The following LIPF variants were observed in gnomAD, a reference collection of about 807,000 sequenced individuals.
The protein encoded by LIPF is gastric triacylglycerol lipase.
In LIPF, 25 loss-of-function variants were observed where a neutral mutation model predicts 38.0. The ratio of observed to expected loss-of-function variants is 0.66; its 90% confidence interval spans 0.48 to 0.92. The LOEUF (loss-of-function observed/expected upper bound fraction) is 0.92, where lower values mean the gene tolerates loss of function less well. Ranked by LOEUF, LIPF falls within the 40% of genes least tolerant of loss-of-function variation. LIPF has a pLI of 0.00. For synonymous variants in LIPF, 161 were observed against 156.2 expected, an observed-to-expected ratio of 1.03 and a Z score of -0.23; for missense variants, 410 against 469.9, an observed-to-expected ratio of 0.87 and a Z score of 1.18.
intron 7 of LIPF, among the ~76,000 whole-genome samples, chr10:88,674,845 A>G (rs1306996918): frequency 3.3e-5 from 5 of 152,244 alleles, no homozygotes; most frequent in African/African-American, 9.6e-5. Flanking sequence ...GTATAATTCT[A>G]TGAAGTGTTG....
Position 88,667,411 on chromosome 10 carries a change from C to T in LIPF, c.105+9C>T, listed in dbSNP as rs371707445. ...AAGTGACTATGAACATTGTAAGTTACTCTGGGGAAAAACTCTATAAAACTA... is the reference window on the plus strand; with the variant it reads ...AAGTGACTATGAACATTGTAAGTTATTCTGGGGAAAAACTCTATAAAACTA... On this transcript the variant is annotated intron_variant, in intron 2 of 9. Transcript: ENST00000238983. The T allele has an allele frequency of 2.5e-5, 37 of 1,500,216 alleles. No individual in the cohort carries two copies. Among genetic ancestry groups the T allele is most frequent in the Non-Finnish European group, 3.4e-5 (37 of 1,080,974 alleles). 92.9% of individuals were successfully genotyped at this position (1,500,216 alleles called of 1,614,324 possible).
chr10:88,677,712 A>G (rs1270581808), intron 9 of LIPF, among the ~76,000 whole-genome samples: 1 of 152,214 alleles, frequency 6.6e-6, no homozygotes, highest in Admixed American at 6.5e-5. Context: ...ATCTAAAAAA[A>G]TCTAACAAAA....
chr10:88,667,469 A>T, intron 2 of LIPF, 67 bp downstream of exon 2: 1 of 1,091,084 alleles, frequency 9.2e-7, no homozygotes, highest in Non-Finnish European at 1.4e-6. Context: ...ATAATGAGTT[A>T]AAGATTTTAT....
chr10:88,674,163 TAAGA>T (rs1235952251), intron 7 of LIPF, among the ~76,000 whole-genome samples: 1 of 151,874 alleles, frequency 6.6e-6, no homozygotes, highest in Non-Finnish European at 1.5e-5. Flanking sequence ...ACTATTTATG[TAAGA>T]CTTTGCCCAT....
intron 3 of LIPF, 57 bp from the exon 4 acceptor site, chr10:88,668,501 C>T (rs903808509): frequency 6.7e-7 from 1 of 1,483,146 alleles, no homozygotes; most frequent in Non-Finnish European, 9.4e-7. Flanking sequence ...TCTAGCCTCA[C>T]ATTTATCCTA....
intron 9 of LIPF, 35 bp from the exon 10 acceptor site, chr10:88,678,410 A>C: frequency 6.9e-7 from 1 of 1,457,070 alleles, no homozygotes; most frequent in Non-Finnish European, 9.6e-7. Context: ...AAGTGTGGTT[A>C]CCTAAACTCT....
intron 7 of LIPF, among the ~76,000 whole-genome samples, chr10:88,675,070 A>C (rs969070710): frequency 1.3e-5 from 2 of 152,200 alleles, no homozygotes; most frequent in African/African-American, 4.8e-5. Context: ...GAAGATGGCC[A>C]ATTTGTTTCA....
chr10:88,675,522 T>C (rs1841671233), intron 7 of LIPF, 64 bp from the exon 8 acceptor site: 15 of 1,201,978 alleles, frequency 1.2e-5, no homozygotes, highest in Middle Eastern at 2.5e-4. Flanking sequence ...AAATCTTTAC[T>C]GTTTTTAAGA....
intron 6 of LIPF, among the ~76,000 whole-genome samples, chr10:88,672,625 A>AAC (rs71471111): frequency 0.026 from 3,413 of 130,808 alleles, 63 homozygotes; most frequent in South Asian, 0.039. Context: ...CAGTAAAACC[A>AAC]ACACACACAC....
At chr10:88,665,729 A>T (rs1259870403) in intron 1 of LIPF, among the ~76,000 whole-genome samples, 1 of 145,270 alleles carries the variant, frequency 6.9e-6, no homozygotes, top group Non-Finnish European at 1.5e-5. Flanking sequence ...AGGCTTAGTT[A>T]AAAACTGATT....
intron 3 of LIPF, 115 bp from the exon 4 acceptor site, chr10:88,668,443 A>AAT (rs1417614200): frequency 2.5e-5 from 22 of 877,582 alleles, no homozygotes; most frequent in Non-Finnish European, 3.6e-5. Context: ...AAAAATAATC[A>AAT]ACTCAATCAG....
At chr10:88,665,356 G>T in intron 1 of LIPF, 1 of 535,472 alleles carries the variant, frequency 1.9e-6, no homozygotes, top group Non-Finnish European at 3.4e-6. Context: ...ACTATTACAG[G>T]CCCTGTTTTA....
Position 88,667,575 on chromosome 10 carries a change from A to G in LIPF, c.112A>G (p.Met38Val), listed in dbSNP as rs1841532044. ...SPEVTMNISQ[M>V]ITYWGYPNEE... Reference sequence around the variant, plus strand: ...TTTGGGTTTGCTTCCTCAGAGTCAGATGATTACTTATTGGGGATACCCAAA... The same window carrying G: ...TTTGGGTTTGCTTCCTCAGAGTCAGGTGATTACTTATTGGGGATACCCAAA... The change falls in exon 3 of 10, where the codon ATG becomes GTG. Residue 38 changes from methionine (M) to valine (V), a missense_variant. Coordinates refer to ENST00000238983, the MANE Select transcript of LIPF (RefSeq NM_004190.4). 6.4e-7 allele frequency: 1 copy of G among 1,557,002 alleles called. No homozygotes were observed. The highest frequency in any genetic ancestry group is 2.2e-5 in the East Asian group (1 of 44,470).
chr10:88,676,731 C>T (rs1841692051), intron 9 of LIPF, among the ~76,000 whole-genome samples: 2 of 152,150 alleles, frequency 1.3e-5, no homozygotes, highest in Non-Finnish European at 2.9e-5. Flanking sequence ...GAAAAAGATG[C>T]CGTGCTTGCA....
intron 7 of LIPF, among the ~76,000 whole-genome samples, chr10:88,675,034 G>C (rs1346860004): frequency 6.6e-6 from 1 of 152,166 alleles, no homozygotes; most frequent in Non-Finnish European, 1.5e-5. Flanking sequence ...GTAATAATTT[G>C]CAGAAGACCA....
chr10:88,671,527 T>G (rs189021428), intron 5 of LIPF, among the ~76,000 whole-genome samples: 1 of 152,250 alleles, frequency 6.6e-6, no homozygotes, highest in South Asian at 2.1e-4. Context: ...CATAAAGAAA[T>G]TCATAAAAAA....
At chr10:88,672,194 C>T (rs1227725709) in intron 6 of LIPF, among the ~76,000 whole-genome samples, 1 of 152,148 alleles carries the variant, frequency 6.6e-6, no homozygotes, top group Non-Finnish European at 1.5e-5. Context: ...TCAGCAATGC[C>T]TGGGAGTAGT....
intron 5 of LIPF, 141 bp from the exon 6 acceptor site, chr10:88,671,684 GAGCC>G (rs1339626969): frequency 4.7e-6 from 5 of 1,053,382 alleles, no homozygotes; most frequent in Non-Finnish European, 6.7e-6. Flanking sequence ...TCTAATCACT[GAGCC>G]AGCAGAGATG....
In LIPF at chr10:88,666,709, T is replaced by A. The variant is rs72822124; in HGVS notation, c.-11-578T>A. On this transcript the variant is annotated intron_variant, in intron 1 of 9. Coordinates refer to ENST00000238983, the MANE Select transcript of LIPF (RefSeq NM_004190.4). Reference sequence around the variant, plus strand: ...CTATCTCTAAAAAAAAGAAAAAAAATTAGCCAGATGAACACCTGTAGTCCC... The same window carrying A: ...CTATCTCTAAAAAAAAGAAAAAAAAATAGCCAGATGAACACCTGTAGTCCC... Among the ~76,000 whole-genome samples the A allele has an allele frequency of 4.1e-3, 619 of 151,910 alleles. 2 individuals are homozygous for A. Among genetic ancestry groups the A allele is most frequent in the Non-Finnish European group, 7.4e-3 (503 of 67,906 alleles).
Sources: gnomAD v4.1 joint callset for allele counts (sites outside exome capture counted in the v4.1 genomes callset) on GRCh38, gnomAD v4.1.1 for gene constraint, MANE v1.5 for transcripts, NCBI Gene and HGNC (gene_info 2026-07-23, HGNC 2026-07-21) for gene names.